The following SHANK2 variants were observed in gnomAD, a reference collection of about 807,000 sequenced individuals.
The protein encoded by SHANK2 is SH3 and multiple ankyrin repeat domains 2.
A neutral mutation model predicts 133.7 loss-of-function variants in SHANK2; 43 were observed. That is an observed-to-expected ratio of 0.32 (90% confidence interval 0.25 to 0.41). The LOEUF (loss-of-function observed/expected upper bound fraction) is 0.41, where lower values mean the gene tolerates loss of function less well. SHANK2 is among the 10% of genes least tolerant of loss of function. The pLI is 1.00. For synonymous variants in SHANK2, 1,017 were observed against 952.8 expected, an observed-to-expected ratio of 1.07 and a Z score of -1.24; for missense variants, 1,994 against 2,235.8, an observed-to-expected ratio of 0.89 and a Z score of 2.18.
intron 10 of SHANK2, among the ~76,000 whole-genome samples, chr11:70,924,304 G>C (rs1295597344): frequency 6.7e-6 from 1 of 150,000 alleles, no homozygotes; most frequent in African/African-American, 2.5e-5. Flanking sequence ...GTGCCTCCTG[G>C]GTAAGATGCT....
intron 15 of SHANK2, among the ~76,000 whole-genome samples, chr11:70,682,967 A>T (rs761709745): frequency 5.3e-5 from 8 of 151,964 alleles, no homozygotes; most frequent in Non-Finnish European, 8.8e-5. Flanking sequence ...TCTAAGGCAG[A>T]TTGGCTGGAG....
intron 17 of SHANK2, among the ~76,000 whole-genome samples, chr11:70,545,074 G>C (rs2059672444): frequency 6.6e-6 from 1 of 152,308 alleles, no homozygotes; most frequent in East Asian, 1.9e-4. Context: ...GCCCAGGCCA[G>C]GGCAGGCAAG....
At chr11:71,102,803 T>C (rs1181616026) in intron 6 of SHANK2, among the ~76,000 whole-genome samples, 1 of 152,220 alleles carries the variant, frequency 6.6e-6, no homozygotes, top group Non-Finnish European at 1.5e-5. Context: ...GCCCAGGCCC[T>C]GCCTCTGCCC....
rs553034064 is a variant in SHANK2 at position 71,203,333 on chromosome 11, T to G, written c.-13+21364A>C. On this transcript the variant is annotated intron_variant, in intron 2 of 25. Coordinates refer to ENST00000601538, the MANE Select transcript of SHANK2 (RefSeq NM_012309.5). ...AACCCCTATTTCAACAAGAAAACAA[T>G]GAGATATAAGAAGTATCTAAATCAG... Among the ~76,000 whole-genome samples the G allele has an allele frequency of 8.1e-4, 124 of 152,274 alleles. 1 individual carries two copies. The highest frequency in any genetic ancestry group is 2.9e-3 in the African/African-American group (119 of 41,560).
chr11:70,935,387 T>C lies in SHANK2; in HGVS notation c.1108-38820A>G, dbSNP rs1950558339. 2.6e-5 allele frequency among the ~76,000 whole-genome samples: 4 copies of C among 152,156 alleles called. No individual in the cohort carries two copies. In the South Asian group the frequency reaches 8.3e-4, roughly 32 times the overall value. On this transcript the variant is annotated intron_variant, in intron 10 of 25. Coordinates refer to ENST00000601538, the MANE Select transcript of SHANK2 (RefSeq NM_012309.5). ...AGAGGGGTCTGCTACAGTCTCATTTTGCAGATTGAAGAACCGAGTCCTCAG... is the reference window on the plus strand; with the variant it reads ...AGAGGGGTCTGCTACAGTCTCATTTCGCAGATTGAAGAACCGAGTCCTCAG...
chr11:70,660,076 TC>T, intron 16 of SHANK2, 124 bp from the exon 17 acceptor site: 3 of 1,242,922 alleles, frequency 2.4e-6, no homozygotes, highest in African/African-American at 1.5e-5. Flanking sequence ...AGGTGGCTAG[TC>T]CAGGCCAACT....
At chr11:70,911,112 T>A (rs2135723743) in intron 10 of SHANK2, 1 of 456,808 alleles carries the variant, frequency 2.2e-6, no homozygotes, top group South Asian at 1.5e-5. Flanking sequence ...GGTCTCCACA[T>A]GCCTCTTTCC....
chr11:70,886,255 T>C (rs1555073473), intron 11 of SHANK2, among the ~76,000 whole-genome samples: 2 of 152,302 alleles, frequency 1.3e-5, no homozygotes, highest in East Asian at 3.9e-4. Context: ...GGGTTTTCTG[T>C]CCTTCCTCTC....
intron 11 of SHANK2, among the ~76,000 whole-genome samples, chr11:70,881,008 C>T (rs182955033): frequency 2.0e-3 from 311 of 152,292 alleles, no homozygotes; most frequent in Admixed American, 5.5e-3. Context: ...CAACCCTGAA[C>T]GACAATTACT....
At chr11:70,924,957 C>T (rs1950406670) in intron 10 of SHANK2, among the ~76,000 whole-genome samples, 2 of 152,184 alleles carry the variant, frequency 1.3e-5, no homozygotes, top group Admixed American at 1.3e-4. Context: ...ACCCTCCCTT[C>T]CCATCACCAT....
intron 11 of SHANK2, among the ~76,000 whole-genome samples, chr11:70,893,156 T>C (rs576647407): frequency 1.1e-4 from 17 of 152,386 alleles, no homozygotes; most frequent in Non-Finnish European, 2.1e-4. Flanking sequence ...CGTGAAGTGC[T>C]GGCCTGTAGT....
intron 17 of SHANK2, among the ~76,000 whole-genome samples, chr11:70,614,885 C>T (rs1399777514): frequency 6.6e-6 from 1 of 152,180 alleles, no homozygotes; most frequent in Non-Finnish European, 1.5e-5. Context: ...GTCCCCATGG[C>T]CGTGTTAGAG....
chr11:70,725,212 G>C (rs1946154474), intron 14 of SHANK2, among the ~76,000 whole-genome samples: 1 of 152,190 alleles, frequency 6.6e-6, no homozygotes, highest in African/African-American at 2.4e-5. Flanking sequence ...TTTCTACTGT[G>C]TGGAATTTTA....
intron 3 of SHANK2, among the ~76,000 whole-genome samples, chr11:71,126,182 C>T (rs1231483547): frequency 1.6e-5 from 2 of 121,860 alleles, no homozygotes; most frequent in African/African-American, 6.1e-5. Context: ...CATGCCACTG[C>T]ACTCCAGCCT....
chr11:70,569,800 G>A lies in SHANK2; in HGVS notation c.2062-66869C>T, dbSNP rs564816001. The stretch of plus-strand genomic sequence containing the variant: ...GGGGCTGTGATGCTGGCAGATGTGT[G>A]AGCACGGAGGGGGTTCCTCAGCCCG... On this transcript the variant is annotated intron_variant, in intron 17 of 25. Transcript: ENST00000601538. The surrounding 1 kb of genome is among the most constrained non-coding windows in gnomAD (Gnocchi z 5.1). Among the ~76,000 whole-genome samples, 8 of 152,250 alleles carry A rather than the reference G, an allele frequency of 5.3e-5. No individual in the cohort carries two copies. The South Asian group carries it at 1.7e-3, about 32-fold the overall frequency.
At chr11:70,687,551 G>C (rs906141837) in intron 15 of SHANK2, among the ~76,000 whole-genome samples, 1 of 129,382 alleles carries the variant, frequency 7.7e-6, no homozygotes, top group East Asian at 2.7e-4. Flanking sequence ...AATCAAGGTG[G>C]ATATAAGACA....
chr11:70,939,206 T>A (rs1440312281), intron 10 of SHANK2, among the ~76,000 whole-genome samples: 6 of 152,106 alleles, frequency 3.9e-5, no homozygotes, highest in Non-Finnish European at 8.8e-5. Context: ...GCACTTACGT[T>A]TAAAAAGAGG....
chr11:71,203,479 C>A (rs143607219), intron 2 of SHANK2, among the ~76,000 whole-genome samples: 1 of 152,130 alleles, frequency 6.6e-6, no homozygotes, highest in African/African-American at 2.4e-5. Context: ...CCAAACCCCA[C>A]ACACTCCAAA....
At chr11:70,645,748 G>A (rs191905581) in intron 17 of SHANK2, among the ~76,000 whole-genome samples, 29 of 152,248 alleles carry the variant, frequency 1.9e-4, no homozygotes, top group African/African-American at 5.8e-4. Context: ...CTGGGGAGCT[G>A]GGGCAAGGCA....
Sources: allele counts gnomAD v4.1 joint callset (sites outside exome capture counted in the v4.1 genomes callset), GRCh38; gene constraint gnomAD v4.1.1; non-coding constraint Gnocchi (gnomAD v3.1); transcripts MANE v1.5; gene names NCBI Gene and HGNC (gene_info 2026-07-23, HGNC 2026-07-21).